The following GNA14 variants were observed in gnomAD, a reference collection of about 807,000 sequenced individuals.
GNA14 encodes guanine nucleotide-binding protein subunit alpha-14.
Under a neutral mutation model 42.0 loss-of-function variants are expected in GNA14, and 50 were observed. The observed-to-expected ratio is 1.19, with a 90% CI of 0.95 to 1.51. The LOEUF is 1.51. GNA14 is among the 40% of genes most tolerant of loss of function. The probability of loss-of-function intolerance (pLI) is 0.00; values close to 1 mark genes in which losing one functional copy is unlikely to be tolerated. For synonymous variants in GNA14, 173 were observed against 163.1 expected, an observed-to-expected ratio of 1.06 and a Z score of -0.46; for missense variants, 473 against 446.2, an observed-to-expected ratio of 1.06 and a Z score of -0.54.
chr9:77,641,026 C>G (rs561005472), intron 1 of GNA14, among the ~76,000 whole-genome samples: 7 of 133,990 alleles, frequency 5.2e-5, no homozygotes, highest in Non-Finnish European at 9.5e-5. Flanking sequence ...GGAAAAAAAC[C>G]TAGGTATTCA....
intron 1 of GNA14, among the ~76,000 whole-genome samples, chr9:77,607,387 T>G (rs550047916): frequency 6.6e-6 from 1 of 152,300 alleles, no homozygotes; most frequent in African/African-American, 2.4e-5. Flanking sequence ...AGAGGCTTGA[T>G]GGAACCACTG....
At chr9:77,597,949 G>A (rs1459649852) in intron 1 of GNA14, among the ~76,000 whole-genome samples, 1 of 152,064 alleles carries the variant, frequency 6.6e-6, no homozygotes, top group African/African-American at 2.4e-5. Flanking sequence ...TGAGACAGGA[G>A]AATAGCTTGA....
intron 2 of GNA14, among the ~76,000 whole-genome samples, chr9:77,511,564 G>A (rs1837170760): frequency 6.6e-6 from 1 of 152,178 alleles, no homozygotes; most frequent in Admixed American, 6.5e-5. Context: ...AAACTCATGA[G>A]CAAATCTGGG....
chr9:77,481,131 T>C (rs1413907531), intron 2 of GNA14, among the ~76,000 whole-genome samples: 1 of 151,988 alleles, frequency 6.6e-6, no homozygotes, highest in African/African-American at 2.4e-5. Context: ...GTTCTTTTAA[T>C]TGTGATGTTA....
intron 2 of GNA14, among the ~76,000 whole-genome samples, chr9:77,505,126 A>C (rs572234031): frequency 1.3e-3 from 192 of 152,222 alleles, no homozygotes; most frequent in Non-Finnish European, 8.1e-4. Flanking sequence ...ACAGAGAGTA[A>C]GTCTGGCCAA....
chr9:77,439,787 C>T (rs1023445377), intron 2 of GNA14, among the ~76,000 whole-genome samples: 4 of 152,108 alleles, frequency 2.6e-5, no homozygotes, highest in Non-Finnish European at 5.9e-5. Flanking sequence ...GCACAAGGGA[C>T]CCTCATGCGC....
chr9:77,536,317 T>C (rs1182547654), intron 1 of GNA14, among the ~76,000 whole-genome samples: 1 of 152,088 alleles, frequency 6.6e-6, no homozygotes, highest in Non-Finnish European at 1.5e-5. Context: ...GGAGCAGAAT[T>C]CAAAATATGT....
intron 1 of GNA14, among the ~76,000 whole-genome samples, chr9:77,641,267 T>C (rs1824264451): frequency 6.6e-6 from 1 of 151,596 alleles, no homozygotes; most frequent in African/African-American, 2.4e-5. Flanking sequence ...GCAGATACCA[T>C]GTTATAGATT....
intron 2 of GNA14, among the ~76,000 whole-genome samples, chr9:77,445,666 T>C (rs893583704): frequency 2.0e-5 from 3 of 151,766 alleles, no homozygotes; most frequent in African/African-American, 7.3e-5. Context: ...CACTTGAACC[T>C]AGGAGTCGGA....
intron 1 of GNA14, among the ~76,000 whole-genome samples, chr9:77,593,776 C>T (rs547349649): frequency 6.6e-6 from 1 of 152,332 alleles, no homozygotes; most frequent in South Asian, 2.1e-4. Context: ...ACACATTCTC[C>T]TTTTCAGCTA....
intron 1 of GNA14, among the ~76,000 whole-genome samples, chr9:77,636,406 C>A (rs535391041): frequency 6.6e-6 from 1 of 152,146 alleles, no homozygotes; most frequent in Non-Finnish European, 1.5e-5. Flanking sequence ...AAAAAGCAAA[C>A]TTGACAACAG....
intron 1 of GNA14, among the ~76,000 whole-genome samples, chr9:77,637,950 G>GA (rs1402619148): frequency 6.6e-6 from 1 of 151,900 alleles, no homozygotes; most frequent in East Asian, 1.9e-4. Flanking sequence ...AGTTTATTCT[G>GA]AAAAAATACT....
chr9:77,529,492 C>G (rs1837495708), intron 1 of GNA14, among the ~76,000 whole-genome samples: 1 of 152,148 alleles, frequency 6.6e-6, no homozygotes, highest in South Asian at 2.1e-4. Context: ...GCCCTAAGTC[C>G]TTGAAAAACA....
chr9:77,552,104 C>T (rs1837793770), intron 1 of GNA14, among the ~76,000 whole-genome samples: 2 of 121,238 alleles, frequency 1.6e-5, no homozygotes, highest in South Asian at 5.1e-4. Flanking sequence ...CAAGCCTTTG[C>T]AGCAGGAGAG....
chr9:77,541,220 C>G (rs111640151), intron 1 of GNA14, among the ~76,000 whole-genome samples: 1 of 152,036 alleles, frequency 6.6e-6, no homozygotes, highest in African/African-American at 2.4e-5. Flanking sequence ...TAGGGCCAGC[C>G]GGTCTAGTGG....
chr9:77,472,043 C>CT (rs1451537063), intron 2 of GNA14, among the ~76,000 whole-genome samples: 4 of 152,104 alleles, frequency 2.6e-5, no homozygotes, highest in Non-Finnish European at 5.9e-5. Flanking sequence ...TTATATTTGT[C>CT]TTTTTCTGAA....
intron 3 of GNA14, chr9:77,431,654 T>C (rs1835557315): frequency 2.1e-6 from 1 of 476,068 alleles, no homozygotes; most frequent in Admixed American, 3.3e-5. Flanking sequence ...CAGAAGGACT[T>C]CCATGCGCCT....
At chr9:77,495,874 C>A (rs924054924) in intron 2 of GNA14, among the ~76,000 whole-genome samples, 2 of 152,154 alleles carry the variant, frequency 1.3e-5, no homozygotes, top group African/African-American at 2.4e-5. Context: ...TAAAGAAAGG[C>A]TACTTGCTCT....
In GNA14 at chr9:77,458,574, C is replaced by T. The variant is rs143426505; in HGVS notation, c.310-24052G>A. On this transcript the variant is annotated intron_variant, in intron 2 of 6. Transcript: ENST00000341700. The stretch of plus-strand genomic sequence containing the variant: ...CAGGACATCAGTTAAATTTGGATTT[C>T]GGATAAACAACAAACGCTTTTTTAG... 3.9e-5 allele frequency among the ~76,000 whole-genome samples: 6 copies of T among 152,228 alleles called. No individual in the cohort carries two copies. The East Asian group carries it at 5.8e-4, about 15-fold the overall frequency.
Sources: gnomAD v4.1 joint callset for allele counts (sites outside exome capture counted in the v4.1 genomes callset) on GRCh38, gnomAD v4.1.1 for gene constraint, MANE v1.5 for transcripts, NCBI Gene and HGNC (gene_info 2026-07-23, HGNC 2026-07-21) for gene names.